CRIM1: variants seen among roughly 807,000 people sequenced by gnomAD.
CRIM1 encodes cysteine-rich motor neuron 1 protein.
A neutral mutation model predicts 116.4 loss-of-function variants in CRIM1; 32 were observed. That is an observed-to-expected ratio of 0.27 (90% confidence interval 0.21 to 0.37). The LOEUF is 0.37. CRIM1 is among the 10% of genes least tolerant of loss of function. The pLI is 1.00. For missense variants in CRIM1, 1,331 were observed against 1,354.8 expected (o/e 0.98, Z 0.28); for synonymous variants, 590 against 509.2 (o/e 1.16, Z -2.13).
intron 4 of CRIM1, among the ~76,000 whole-genome samples, chr2:36,450,693 T>A (rs888730446): frequency 9.2e-5 from 14 of 152,180 alleles, no homozygotes; most frequent in African/African-American, 3.4e-4. Context: ...AGGATGGTAG[T>A]CCCATTGTGT....
chr2:36,383,373 G>C (rs1246126981), intron 1 of CRIM1, among the ~76,000 whole-genome samples: 2 of 152,148 alleles, frequency 1.3e-5, no homozygotes, highest in Admixed American at 6.5e-5. Flanking sequence ...TTATTATAAA[G>C]TTTATTTCTT....
intron 4 of CRIM1, among the ~76,000 whole-genome samples, chr2:36,461,754 A>G (rs549616874): frequency 1.3e-5 from 2 of 152,344 alleles, no homozygotes; most frequent in African/African-American, 4.8e-5. Flanking sequence ...GAGTGAATGT[A>G]AACATACCTG....
chr2:36,372,541 G>A (rs1670011756), intron 1 of CRIM1, among the ~76,000 whole-genome samples: 1 of 152,170 alleles, frequency 6.6e-6, no homozygotes, highest in African/African-American at 2.4e-5. Context: ...AAGATAGAGA[G>A]TTTTGGCCAA....
intron 7 of CRIM1, among the ~76,000 whole-genome samples, chr2:36,480,230 T>C (rs996854285): frequency 1.3e-5 from 2 of 152,242 alleles, no homozygotes; most frequent in African/African-American, 2.4e-5. Flanking sequence ...TACCTGCATT[T>C]GCTATCTCTC....
chr2:36,363,541 C>CCA (rs35849737), intron 1 of CRIM1, among the ~76,000 whole-genome samples: 5 of 142,776 alleles, frequency 3.5e-5, no homozygotes, highest in Admixed American at 6.9e-5. Context: ...CCCCCCCCCC[C>CCA]ATGACTATCT....
intron 4 of CRIM1, among the ~76,000 whole-genome samples, chr2:36,459,152 C>T (rs1677387657): frequency 1.3e-5 from 2 of 152,032 alleles, no homozygotes; most frequent in African/African-American, 4.8e-5. Flanking sequence ...CGCATCTAGG[C>T]ACAAAGTTCT....
At chr2:36,413,138 T>G (rs527746389) in intron 2 of CRIM1, among the ~76,000 whole-genome samples, 2 of 152,260 alleles carry the variant, frequency 1.3e-5, no homozygotes, top group South Asian at 4.1e-4. Flanking sequence ...GCTAGAAATA[T>G]AAATAAATCA....
chr2:36,521,723 G>C (rs1665408539), intron 12 of CRIM1, among the ~76,000 whole-genome samples: 1 of 152,204 alleles, frequency 6.6e-6, no homozygotes, highest in Non-Finnish European at 1.5e-5. Flanking sequence ...GCTACGGCTA[G>C]ATGATGGGGC....
chr2:36,537,385 T>G lies in CRIM1; in HGVS notation c.2462T>G (p.Phe821Cys), dbSNP rs1666626044. ...ATTCCAAAGAAGGTGGTGTGCCACTTCAGTGGGAAGGCCTATGCCGACGAG... is the reference window on the plus strand; with the variant it reads ...ATTCCAAAGAAGGTGGTGTGCCACTGCAGTGGGAAGGCCTATGCCGACGAG... ...DTIPKKVVCH[F>C]SGKAYADEER... is the part of the protein sequence containing the mutation. Residue 821 changes from phenylalanine to cysteine, a missense_variant, in exon 14 of 17, where the codon TTC (phenylalanine) becomes TGC (cysteine). Phe to Cys is a radical substitution (Grantham distance 205). This residue lies in a region of CRIM1 where 358 missense variants were observed against 436.1 expected (regional missense o/e 0.82). Coordinates refer to ENST00000280527, the MANE Select transcript of CRIM1 (RefSeq NM_016441.3). 1 of 1,614,122 alleles carries G rather than the reference T, an allele frequency of 6.2e-7. No homozygotes were observed. The highest frequency in any genetic ancestry group is 8.5e-7 in the Non-Finnish European group (1 of 1,180,054).
rs568719547 is a variant in CRIM1, at chr2:36,396,968, C to T, written c.505+181C>T. Among the ~76,000 whole-genome samples the T allele has an allele frequency of 6.6e-5, 10 of 152,278 alleles. No homozygotes were observed. The South Asian group carries it at 1.5e-3, about 22-fold the overall frequency. On this transcript the variant is annotated intron_variant, in intron 2 of 16. Coordinates refer to ENST00000280527, the MANE Select transcript of CRIM1 (RefSeq NM_016441.3). The stretch of plus-strand genomic sequence containing the variant: ...TTATGTGGTGGGTGTGTTTCCGAGA[C>T]GCTATGGAATGGCGGTGCTGTGGTG...
intron 5 of CRIM1, among the ~76,000 whole-genome samples, chr2:36,466,041 A>G (rs1330863923): frequency 2.2e-5 from 2 of 90,832 alleles, no homozygotes; most frequent in Non-Finnish European, 5.1e-5. Context: ...GCCCGCCACC[A>G]CACGCGGCTA....
At chr2:36,386,226 G>A (rs17018667) in intron 1 of CRIM1, among the ~76,000 whole-genome samples, 5,188 of 152,222 alleles carry the variant, frequency 0.034, 242 homozygotes, top group East Asian at 0.19. Flanking sequence ...AAGCATTAAC[G>A]TGTGTCACAT....
chr2:36,549,869 A>T lies in CRIM1; in HGVS notation c.*1168A>T, dbSNP rs754819604. 1 of 152,062 alleles carries T rather than the reference A, an allele frequency of 6.6e-6. No individual in the cohort carries two copies. Among genetic ancestry groups the T allele is most frequent in the Non-Finnish European group, 1.5e-5 (1 of 67,922 alleles). The allele number at this position is 152,062 out of a possible 1,614,324, so 9.4% of individuals were successfully genotyped here. On this transcript the variant is annotated 3_prime_UTR_variant, in exon 17 of 17. Coordinates refer to ENST00000280527, the MANE Select transcript of CRIM1 (RefSeq NM_016441.3). ...TATATATACATATATATTTATACACATACAATTTATGTTTTCCTGTTGAAT... is the reference window on the plus strand; with the variant it reads ...TATATATACATATATATTTATACACTTACAATTTATGTTTTCCTGTTGAAT...
chr2:36,476,497 A>T (rs1054378504), intron 5 of CRIM1, among the ~76,000 whole-genome samples: 2 of 152,198 alleles, frequency 1.3e-5, no homozygotes, highest in African/African-American at 4.8e-5. Context: ...AAAATTTTTG[A>T]AGCAGAACAA....
At chr2:36,370,562 A>G (rs1669877500) in intron 1 of CRIM1, among the ~76,000 whole-genome samples, 2 of 152,256 alleles carry the variant, frequency 1.3e-5, no homozygotes, top group African/African-American at 2.4e-5. Context: ...AACATAAAGC[A>G]TGTCCAAAAG....
chr2:36,537,658 G>A (rs1011980885), intron 14 of CRIM1, 112 bp downstream of exon 14: 38 of 1,217,646 alleles, frequency 3.1e-5, no homozygotes, highest in Admixed American at 1.1e-4. Context: ...CCCAAGTAGC[G>A]TGTCAGGCCC....
At position 36,390,213 on chromosome 2, in the gene CRIM1, T is replaced by C. The variant is rs561037480; in HGVS notation, c.332-6401T>C. Among the ~76,000 whole-genome samples, 12 of 152,248 alleles carry C rather than the reference T, an allele frequency of 7.9e-5. No homozygotes were observed. The South Asian group carries it at 1.7e-3, about 21-fold the overall frequency. ...TGGCAATATAAGTTGTTCACTCTTA[T>C]AAAGCAAATAAAAAAACCTACTCAT... is the stretch of plus-strand genomic sequence containing the variant. On this transcript the variant is annotated intron_variant, in intron 1 of 16. Transcript: ENST00000280527.
intron 13 of CRIM1, among the ~76,000 whole-genome samples, chr2:36,532,367 C>T (rs1666176340): frequency 6.6e-6 from 1 of 152,110 alleles, no homozygotes; most frequent in Admixed American, 6.5e-5. Context: ...TCCTCTAATC[C>T]TCTTTGAGAG....
Position 36,356,594 on chromosome 2 carries a change from T to C in CRIM1, c.302T>C (p.Leu101Pro). 6.2e-7 allele frequency: 1 copy of C among 1,610,804 alleles called. No homozygotes were observed. The highest frequency in any genetic ancestry group is 8.5e-7 in the Non-Finnish European group (1 of 1,179,512). The change falls in exon 1 of 17, where the codon CTC (leucine) becomes CCC (proline). Residue 101 changes from leucine to proline, a missense_variant. By Grantham distance (98) the Leu-to-Pro change is moderately conservative. Around this residue, in one of 3 missense-constraint regions of CRIM1, gnomAD observed 690 missense variants for 676.0 expected, o/e 1.02. Coordinates refer to ENST00000280527, the MANE Select transcript of CRIM1 (RefSeq NM_016441.3). This position sits in a 1 kb window ranked among gnomAD's most constrained non-coding sequence, Gnocchi z 4.3. ...CGCCCCCCGCTCAATGGCGACTCCC[T>C]CACCGAGTACGAAGCGGGCGTTTGC... The part of the protein sequence containing the change: ...VIRPPLNGDS[L>P]TEYEAGVCED...
Sources: allele counts gnomAD v4.1 joint callset (sites outside exome capture counted in the v4.1 genomes callset), GRCh38; gene constraint gnomAD v4.1.1; regional missense constraint gnomAD v4.1.1; non-coding constraint Gnocchi (gnomAD v3.1); transcripts MANE v1.5; gene names NCBI Gene and HGNC (gene_info 2026-07-23, HGNC 2026-07-21).